WWOX: variants seen among roughly 807,000 people sequenced by gnomAD.
The protein encoded by WWOX is WW domain-containing oxidoreductase.
A neutral mutation model predicts 46.2 loss-of-function variants in WWOX; 69 were observed. The ratio of observed to expected loss-of-function variants is 1.49; its 90% confidence interval spans 1.23 to 1.82. The LOEUF is 1.82. WWOX is among the 40% of genes most tolerant of loss of function. The pLI, the probability that WWOX is intolerant of heterozygous loss-of-function variation, is 0.00. For synonymous variants in WWOX, 359 were observed against 202.6 expected, an observed-to-expected ratio of 1.77 and a Z score of -6.56; for missense variants, 919 against 542.6, an observed-to-expected ratio of 1.69 and a Z score of -6.89.
At chr16:78,783,718 T>A (rs960132110) in intron 8 of WWOX, among the ~76,000 whole-genome samples, 2 of 77,016 alleles carry the variant, frequency 2.6e-5, no homozygotes, top group African/African-American at 1.1e-4. Context: ...AAGATGAGGG[T>A]GATGATGTTG....
chr16:79,025,304 G>A (rs1335614964), intron 8 of WWOX, among the ~76,000 whole-genome samples: 2 of 152,168 alleles, frequency 1.3e-5, no homozygotes, highest in African/African-American at 4.8e-5. Flanking sequence ...CTTTGGGTTC[G>A]ATTTAGTGGT....
At chr16:79,023,162 C>T (rs2047568495) in intron 8 of WWOX, among the ~76,000 whole-genome samples, 1 of 152,132 alleles carries the variant, frequency 6.6e-6, no homozygotes, top group South Asian at 2.1e-4. Flanking sequence ...TAGATATATG[C>T]ACACACTTGA....
intron 8 of WWOX, among the ~76,000 whole-genome samples, chr16:79,027,512 A>C (rs955033421): frequency 6.6e-6 from 1 of 151,786 alleles, no homozygotes; most frequent in African/African-American, 2.4e-5. Flanking sequence ...TCTGCCTGCC[A>C]TCATTTTGGA....
At chr16:78,418,847 C>G (rs2082860016) in intron 6 of WWOX, among the ~76,000 whole-genome samples, 1 of 151,986 alleles carries the variant, frequency 6.6e-6, no homozygotes. Flanking sequence ...ATAATTAATG[C>G]TGAAAGATTG....
intron 8 of WWOX, among the ~76,000 whole-genome samples, chr16:78,638,173 A>G (rs1391816558): frequency 6.6e-6 from 1 of 152,180 alleles, no homozygotes; most frequent in Non-Finnish European, 1.5e-5. Flanking sequence ...ATTTTACATG[A>G]CAGTTTAAAA....
At chr16:78,287,821 G>A (rs1423156634) in intron 5 of WWOX, among the ~76,000 whole-genome samples, 1 of 152,090 alleles carries the variant, frequency 6.6e-6, no homozygotes, top group Non-Finnish European at 1.5e-5. Flanking sequence ...GATCAATTAT[G>A]TAATAATTAG....
At chr16:78,524,231 C>T (rs963260533) in intron 8 of WWOX, among the ~76,000 whole-genome samples, 3 of 152,112 alleles carry the variant, frequency 2.0e-5, no homozygotes, top group Non-Finnish European at 4.4e-5. Context: ...TTTCTAAAGG[C>T]ACTTGTCATG....
chr16:79,179,191 A>C (rs2050860740), intron 8 of WWOX, among the ~76,000 whole-genome samples: 1 of 152,244 alleles, frequency 6.6e-6, no homozygotes, highest in South Asian at 2.1e-4. Context: ...CCAAAAGTGT[A>C]GCATTAAACT....
At chr16:78,900,057 C>CTTTT (rs754732541) in intron 8 of WWOX, among the ~76,000 whole-genome samples, 2 of 102,168 alleles carry the variant, frequency 2.0e-5, no homozygotes, top group Non-Finnish European at 3.8e-5. Context: ...GCCCTCCTGA[C>CTTTT]TTTTTTTTTT....
At chr16:78,903,200 ACAC>A (rs916351589) in intron 8 of WWOX, among the ~76,000 whole-genome samples, 11 of 152,310 alleles carry the variant, frequency 7.2e-5, no homozygotes, top group African/African-American at 2.6e-4. Context: ...CACTTGGGGT[ACAC>A]CCCTTATAAA....
At chr16:78,733,278 G>A (rs1037010412) in intron 8 of WWOX, among the ~76,000 whole-genome samples, 1 of 151,992 alleles carries the variant, frequency 6.6e-6, no homozygotes, top group Non-Finnish European at 1.5e-5. Context: ...AACATAGGGA[G>A]ATCACTGTTT....
chr16:79,161,033 GA>G (rs2050476840), intron 8 of WWOX, among the ~76,000 whole-genome samples: 1 of 152,122 alleles, frequency 6.6e-6, no homozygotes. Flanking sequence ...CCATTACTCT[GA>G]CTATGGCAAC....
chr16:79,088,631 T>C (rs755717209), intron 8 of WWOX, among the ~76,000 whole-genome samples: 14 of 152,192 alleles, frequency 9.2e-5, no homozygotes, highest in Non-Finnish European at 1.8e-4. Context: ...CACTTTACTT[T>C]CCATTTTTCT....
intron 8 of WWOX, among the ~76,000 whole-genome samples, chr16:78,826,217 T>G (rs1597678479): frequency 6.6e-6 from 1 of 152,194 alleles, no homozygotes; most frequent in East Asian, 1.9e-4. Flanking sequence ...TAGCCTGGCG[T>G]GCCCTGTAAT....
intron 8 of WWOX, among the ~76,000 whole-genome samples, chr16:78,850,075 A>G: frequency 6.6e-6 from 1 of 152,054 alleles, no homozygotes; most frequent in East Asian, 1.9e-4. Flanking sequence ...TCCTTCTTAA[A>G]AAAAAAAAAT....
chr16:79,098,677 G>A (rs747467394), intron 8 of WWOX, among the ~76,000 whole-genome samples: 4 of 152,152 alleles, frequency 2.6e-5, no homozygotes, highest in African/African-American at 9.6e-5. Flanking sequence ...GTAGAAGAAG[G>A]AATTGCACAC....
In WWOX at chr16:79,212,290, C is replaced by A; in HGVS notation, c.*494C>A. ...TTCATCCTGACCAAGACTGAGCCAG[C>A]TTAGCAACTGCTGGGGAGACAAATC... On this transcript the variant is annotated 3_prime_UTR_variant, in exon 9 of 9. Transcript: ENST00000566780. 1 of 1,064,096 alleles carries A rather than the reference C, an allele frequency of 9.4e-7. No individual in the cohort carries two copies. The highest frequency in any genetic ancestry group is 1.3e-6 in the Non-Finnish European group (1 of 765,124). 65.9% of individuals were successfully genotyped at this position (1,064,096 alleles called of 1,614,324 possible). A position where few individuals can be genotyped will look rare whatever the true frequency, so the allele number is the denominator to read the frequency against.
At chr16:78,493,521 G>A (rs1396773697) in intron 8 of WWOX, among the ~76,000 whole-genome samples, 1 of 152,184 alleles carries the variant, frequency 6.6e-6, no homozygotes, top group Non-Finnish European at 1.5e-5. Flanking sequence ...GGTCATTCTA[G>A]TATCAACTGA....
intron 5 of WWOX, among the ~76,000 whole-genome samples, chr16:78,209,675 T>C (rs932034084): frequency 6.7e-4 from 102 of 151,772 alleles, no homozygotes; most frequent in African/African-American, 2.4e-3. Flanking sequence ...TATCCTCTAG[T>C]CTGAGCCTTA....
Sources: gnomAD v4.1 joint callset for allele counts (sites outside exome capture counted in the v4.1 genomes callset) on GRCh38, gnomAD v4.1.1 for gene constraint, MANE v1.5 for transcripts, NCBI Gene and HGNC (gene_info 2026-07-23, HGNC 2026-07-21) for gene names.